The following TMEM156 variants were observed in gnomAD, a reference collection of about 807,000 sequenced individuals.
TMEM156 encodes the protein transmembrane protein 156.
In TMEM156, 28 loss-of-function variants were observed where a neutral mutation model predicts 30.5. The ratio of observed to expected loss-of-function variants is 0.92; its 90% CI spans 0.68 to 1.26. TMEM156 has a LOEUF of 1.26. Ranked by LOEUF, TMEM156 falls within the 50% of genes most tolerant of loss-of-function variation. The probability of loss-of-function intolerance (pLI) is 0.00; values close to 1 mark genes in which losing one functional copy is unlikely to be tolerated. For synonymous variants in TMEM156, 137 were observed against 119.9 expected (o/e 1.14, Z -0.93); for missense variants, 351 against 340.6 (o/e 1.03, Z -0.24).
At chr4:38,988,521 C>T (rs1402776427) in intron 4 of TMEM156, among the ~76,000 whole-genome samples, 1 of 152,148 alleles carries the variant, frequency 6.6e-6, no homozygotes, top group African/African-American at 2.4e-5. Flanking sequence ...CATGAGTCAC[C>T]GCGCTCGGCC....
At chr4:39,013,948 A>C (rs1356695881) in intron 1 of TMEM156, among the ~76,000 whole-genome samples, 1 of 152,184 alleles carries the variant, frequency 6.6e-6, no homozygotes, top group Non-Finnish European at 1.5e-5. Flanking sequence ...TAAATGTTTT[A>C]GCCTTTGTGG....
intron 1 of TMEM156, among the ~76,000 whole-genome samples, chr4:39,020,125 A>T (rs2566125): frequency 0.71 from 108,203 of 152,156 alleles, 38,923 homozygotes; most frequent in African/African-American, 0.83. Context: ...CTGTTGCAAA[A>T]GACAGAATTT....
chr4:38,981,103 A>T (rs956773065), intron 5 of TMEM156: 4 of 198,306 alleles, frequency 2.0e-5, no homozygotes, highest in Non-Finnish European at 3.6e-5. Context: ...GTCATAAATA[A>T]GATAGTTAAG....
chr4:39,002,824 A>T (rs1436692899), intron 1 of TMEM156, among the ~76,000 whole-genome samples: 1 of 151,712 alleles, frequency 6.6e-6, no homozygotes. Flanking sequence ...CATAGGTGGG[A>T]ATTGAACAAT....
rs1353707004 is a variant in TMEM156, at chr4:39,032,252, A to G, written c.62T>C (p.Leu21Ser). Residue 21 changes from leucine (L) to serine (S), a missense_variant, in exon 1 of 7, where the codon TTG (leucine) becomes TCG (serine). Leu to Ser is a moderately radical substitution (Grantham distance 145, BLOSUM62 -2). Transcript: ENST00000381938. ...TTTCGGTGTCTTGAAATATTCCGGC[A>G]AAATTAAAATGAATGTGATCACTAT... ...VAIVITFILI[L>S]PEYFKTPKER... 2.5e-6 allele frequency: 4 copies of G among 1,609,440 alleles called. No homozygotes were observed. Among genetic ancestry groups the G allele is most frequent in the Non-Finnish European group, 3.4e-6 (4 of 1,177,152 alleles).
At chr4:38,989,551 C>A (rs895919476) in intron 3 of TMEM156, among the ~76,000 whole-genome samples, 2 of 152,196 alleles carry the variant, frequency 1.3e-5, no homozygotes. Flanking sequence ...ACTAATTAAA[C>A]GTAGTTGCCC....
intron 6 of TMEM156, among the ~76,000 whole-genome samples, chr4:38,968,810 G>A (rs532220168): frequency 6.6e-6 from 1 of 152,202 alleles, no homozygotes; most frequent in South Asian, 2.1e-4. Context: ...TTGAGCCATC[G>A]ACGCTGGATC....
In TMEM156 at chr4:39,016,945, T is replaced by A. The variant is rs533356010; in HGVS notation, c.88+15281A>T. 2.6e-5 allele frequency among the ~76,000 whole-genome samples: 4 copies of A among 152,140 alleles called. No homozygotes were observed. In the South Asian group the frequency reaches 8.3e-4, roughly 32 times the overall value. Reference sequence around the variant, plus strand: ...AGAAGATGAAGGAAGAGCAAAGAGATGTCTTACATGGTGGCAGGCAAGCGA... The same window carrying A: ...AGAAGATGAAGGAAGAGCAAAGAGAAGTCTTACATGGTGGCAGGCAAGCGA... On this transcript the variant is annotated intron_variant, in intron 1 of 6. Coordinates refer to ENST00000381938, the MANE Select transcript of TMEM156 (RefSeq NM_024943.3).
At chr4:39,031,951 T>C (rs1715546768) in intron 1 of TMEM156, among the ~76,000 whole-genome samples, 1 of 151,074 alleles carries the variant, frequency 6.6e-6, no homozygotes, top group Admixed American at 6.6e-5. Flanking sequence ...AGCAAAATCA[T>C]GATGCAATTA....
chr4:38,994,693 A>G (rs991763929), intron 2 of TMEM156, among the ~76,000 whole-genome samples: 5 of 152,168 alleles, frequency 3.3e-5, no homozygotes, highest in African/African-American at 1.2e-4. Flanking sequence ...CCTGCCTGTA[A>G]TCCTAGCCCT....
chr4:38,995,536 G>A (rs1712863835), intron 2 of TMEM156, among the ~76,000 whole-genome samples: 1 of 152,170 alleles, frequency 6.6e-6, no homozygotes, highest in Non-Finnish European at 1.5e-5. Context: ...GCAACATGAT[G>A]AAACCCCGTC....
At chr4:38,997,874 C>T (rs527722119) in intron 2 of TMEM156, among the ~76,000 whole-genome samples, 1 of 152,078 alleles carries the variant, frequency 6.6e-6, no homozygotes, top group Non-Finnish European at 1.5e-5. Flanking sequence ...AAGACAAAGG[C>T]CCTGCCCTCA....
intron 2 of TMEM156, 31 bp from the exon 3 acceptor site, chr4:38,994,029 A>G: frequency 6.3e-7 from 1 of 1,585,754 alleles, no homozygotes; most frequent in South Asian, 1.1e-5. Context: ...TGTTATTTGC[A>G]AAATATTAAT....
At position 38,969,319 on chromosome 4, in the gene TMEM156, T is replaced by C. The variant is rs137878002; in HGVS notation, c.*39-1678A>G. Among the ~76,000 whole-genome samples the C allele has an allele frequency of 1.6e-4, 24 of 152,336 alleles. 1 individual carries two copies. The East Asian group carries it at 2.5e-3, about 16-fold the overall frequency. On this transcript the variant is annotated intron_variant, in intron 6 of 6. Coordinates refer to ENST00000381938, the MANE Select transcript of TMEM156 (RefSeq NM_024943.3). ...AACTTTTTTAGCTCTCACCTACAAG[T>C]GGAGAACATGTGATATTTGCCTTTT... is the stretch of plus-strand genomic sequence containing the variant.
chr4:38,999,088 AT>A (rs1184081503), intron 1 of TMEM156, among the ~76,000 whole-genome samples, 179 bp from the exon 2 acceptor site: 1 of 142,320 alleles, frequency 7.0e-6, no homozygotes, highest in African/African-American at 2.6e-5. Context: ...AAATATTTCT[AT>A]TTCATTATTT....
chr4:39,022,455 C>T (rs906743063), intron 1 of TMEM156, among the ~76,000 whole-genome samples: 1 of 152,188 alleles, frequency 6.6e-6, no homozygotes, highest in Admixed American at 6.6e-5. Context: ...TCCTGAGGCA[C>T]AAATTTGTTC....
intron 1 of TMEM156, among the ~76,000 whole-genome samples, chr4:39,022,219 T>C (rs140120075): frequency 1.5e-4 from 23 of 152,364 alleles, no homozygotes; most frequent in African/African-American, 5.3e-4. Flanking sequence ...TGGCCAACTG[T>C]GTTTATAAAC....
chr4:38,976,980 A>T lies in TMEM156; in HGVS notation c.824-5843T>A, dbSNP rs142234776. ...GAGTGCAGTGGCACAATCTTGGCTC[A>T]CTACAGCCTCCACCTCCCAAGTTCA... On this transcript the variant is annotated intron_variant, in intron 5 of 6. Transcript: ENST00000381938. 5.0e-3 allele frequency among the ~76,000 whole-genome samples: 759 copies of T among 152,322 alleles called. 5 individuals carry two copies. The highest frequency in any genetic ancestry group is 0.017 in the African/African-American group (712 of 41,576).
intron 3 of TMEM156, 31 bp from the exon 4 acceptor site, chr4:38,989,001 A>G (rs779899487): frequency 6.3e-7 from 1 of 1,597,116 alleles, no homozygotes; most frequent in South Asian, 1.1e-5. Context: ...GTAAAAACCC[A>G]GTAAAATTAT....
Sources: allele counts gnomAD v4.1 joint callset (sites outside exome capture counted in the v4.1 genomes callset), GRCh38; gene constraint gnomAD v4.1.1; transcripts MANE v1.5; gene names NCBI Gene and HGNC (gene_info 2026-07-23, HGNC 2026-07-21).